The following MPO variants were observed in gnomAD, a reference collection of about 807,000 sequenced individuals.
MPO encodes the protein myeloperoxidase.
A neutral mutation model predicts 69.4 loss-of-function variants in MPO; 57 were observed. That is an observed-to-expected ratio of 0.82 (90% CI 0.66 to 1.02). The LOEUF is 1.02. Ranked by LOEUF, MPO falls within the 50% of genes least tolerant of loss-of-function variation. The probability of loss-of-function intolerance (pLI) is 0.00; values close to 1 mark genes in which losing one functional copy is unlikely to be tolerated. For synonymous variants in MPO, 426 were observed against 417.1 expected, an observed-to-expected ratio of 1.02 and a Z score of -0.26; for missense variants, 971 against 1,014.1, an observed-to-expected ratio of 0.96 and a Z score of 0.58.
chr17:58,279,224 A>T lies in MPO; in HGVS notation c.679-10T>A. 6.3e-7 allele frequency: 1 copy of T among 1,594,932 alleles called. No individual in the cohort carries two copies. Among genetic ancestry groups the T allele is most frequent in the Non-Finnish European group, 8.5e-7 (1 of 1,170,700 alleles). On this transcript the variant is annotated splice_polypyrimidine_tract_variant and intron_variant, in intron 5 of 11. Coordinates refer to ENST00000225275, the MANE Select transcript of MPO (RefSeq NM_000250.2). ...TGGAGACCGCGCGAGCCTGCGGGAC[A>T]CGGAGATCAGCTGGCGCCTGGGTCC...
chr17:58,272,735 T>C lies in MPO; in HGVS notation c.1792+13A>G. 1 of 1,612,486 alleles carries C rather than the reference T, an allele frequency of 6.2e-7. No homozygotes were observed. The highest frequency in any genetic ancestry group is 8.5e-7 in the Non-Finnish European group (1 of 1,179,422). On this transcript the variant is annotated intron_variant, in intron 10 of 11. Coordinates refer to ENST00000225275, the MANE Select transcript of MPO (RefSeq NM_000250.2). ...GGAGGTGAGCATCAGGGGAGACTCCTGCAGCCCCTCACCTGGGAGGCCGTG... is the reference window on the plus strand; with the variant it reads ...GGAGGTGAGCATCAGGGGAGACTCCCGCAGCCCCTCACCTGGGAGGCCGTG...
At chr17:58,276,270 A>G (rs982617681) in intron 7 of MPO, among the ~76,000 whole-genome samples, 5 of 152,242 alleles carry the variant, frequency 3.3e-5, no homozygotes, top group Non-Finnish European at 7.3e-5. Context: ...TTCTCAACAC[A>G]GGACTCCAGA....
At position 58,272,836 on chromosome 17, in the gene MPO, G is replaced by A; in HGVS notation, c.1704C>T (p.Ile568=). 6.2e-7 allele frequency: 1 copy of A among 1,614,200 alleles called. No homozygotes were observed. The highest frequency in any genetic ancestry group is 8.5e-7 in the Non-Finnish European group (1 of 1,180,036). ...NRQNQIAVDE[I]RERLFEQVMR... ...TGACCTGCTCAAACAATCGCTCCCG[G>A]ATCTCATCCACTGCAATTTGGTTCT... is the stretch of plus-strand genomic sequence containing the variant. The change falls in exon 10 of 12, where the codon ATC becomes ATT. Residue 568 remains isoleucine, a synonymous_variant. Coordinates refer to ENST00000225275, the MANE Select transcript of MPO (RefSeq NM_000250.2).
chr17:58,271,612 G>A (rs749856763), intron 11 of MPO, 43 bp downstream of exon 11: 2 of 1,592,166 alleles, frequency 1.3e-6, no homozygotes, highest in African/African-American at 1.3e-5. Context: ...TCAAGGATGG[G>A]CCCACAGCCA....
rs753714883 is a variant in MPO, at chr17:58,280,589, C to T, written c.154+16G>A. 6.8e-6 allele frequency: 11 copies of T among 1,614,198 alleles called. No homozygotes were observed. Among genetic ancestry groups the T allele is most frequent in the Non-Finnish European group, 8.5e-6 (10 of 1,180,034 alleles). The stretch of plus-strand genomic sequence containing the variant: ...CACCCCAACACACCATCTTCTCCCA[C>T]CTTGGGAACTGTTACCTGGAGCAGC... On this transcript the variant is annotated intron_variant, in intron 1 of 11. Transcript: ENST00000225275.
Position 58,275,738 on chromosome 17 carries a change from C to T in MPO, c.1205-36G>A. On this transcript the variant is annotated intron_variant, in intron 7 of 11. Transcript: ENST00000225275. This position sits in a 1 kb window ranked among gnomAD's most constrained non-coding sequence, Gnocchi z 4.1. ...CAAAAGCCACTGTCATTCTTAAGGCCTCCATCCCAGAAAAGATTTGCTCCA... is the reference window on the plus strand; with the variant it reads ...CAAAAGCCACTGTCATTCTTAAGGCTTCCATCCCAGAAAAGATTTGCTCCA... 1 of 1,613,160 alleles carries T rather than the reference C, an allele frequency of 6.2e-7. No individual in the cohort carries two copies. Among genetic ancestry groups the T allele is most frequent in the Non-Finnish European group, 8.5e-7 (1 of 1,179,558 alleles).
chr17:58,272,223 G>A (rs935402395), intron 10 of MPO, among the ~76,000 whole-genome samples: 28 of 152,204 alleles, frequency 1.8e-4, no homozygotes, highest in Non-Finnish European at 3.5e-4. Flanking sequence ...AGCCCGATGT[G>A]TCTGTCTCTG....
At chr17:58,276,531 T>G (rs2143975089) in intron 7 of MPO, among the ~76,000 whole-genome samples, 1 of 152,258 alleles carries the variant, frequency 6.6e-6, no homozygotes, top group Admixed American at 6.5e-5. Flanking sequence ...GAAAGGAAAT[T>G]CTCTGAGAGC....
chr17:58,271,521 A>G, intron 11 of MPO, 134 bp downstream of exon 11: 1 of 910,352 alleles, frequency 1.1e-6, no homozygotes, highest in Non-Finnish European at 1.7e-6. Flanking sequence ...GGGCATCTGG[A>G]GGATTCCTGG....
chr17:58,277,112 A>G (rs901265011), intron 7 of MPO, among the ~76,000 whole-genome samples: 1 of 152,024 alleles, frequency 6.6e-6, no homozygotes, highest in Non-Finnish European at 1.5e-5. Flanking sequence ...CGTCTTAGAA[A>G]AAAAAAAAAC....
rs779065242 is a variant in MPO at position 58,277,899 on chromosome 17, G to A, written c.1132C>T (p.Pro378Ser). 1 of 1,611,260 alleles carries A rather than the reference G, an allele frequency of 6.2e-7. No individual in the cohort carries two copies. The highest frequency in any genetic ancestry group is 8.5e-7 in the Non-Finnish European group (1 of 1,180,028). Reference protein sequence around the residue: ...RFQDNGRALLPFDNLHDDPCL... With the variant: ...RFQDNGRALLSFDNLHDDPCL... ...GGGTCATCGTGCAGGTTGTCAAAGG[G>A]CAGCAGGGCCCGGCCGTTGTCTTGG... The change falls in exon 7 of 12, where the codon CCC becomes TCC. Residue 378 changes from proline (P) to serine (S), a missense_variant. Physicochemically the swap from Pro to Ser is moderately conservative, Grantham distance 74. Transcript: ENST00000225275.
At chr17:58,272,143 GC>G (rs1171457286) in intron 10 of MPO, among the ~76,000 whole-genome samples, 1 of 152,168 alleles carries the variant, frequency 6.6e-6, no homozygotes, top group African/African-American at 2.4e-5. Flanking sequence ...CTACCATAAG[GC>G]AAACCCTAAA....
chr17:58,273,979 G>A (rs1970402460), intron 8 of MPO, among the ~76,000 whole-genome samples: 1 of 152,210 alleles, frequency 6.6e-6, no homozygotes, highest in Non-Finnish European at 1.5e-5. Context: ...GGACTAAATA[G>A]CAAATCACTT....
At position 58,280,644 on chromosome 17, in the gene MPO, T is replaced by A; in HGVS notation, c.115A>T (p.Ile39Phe). ...TCAGAGGGCTGGGGCGTGGCCAGAA[T>A]GGCCAGGAGCCCTGCTAGGGCCAGA... is the stretch of plus-strand genomic sequence containing the variant. ...LLLALAGLLA[I>F]LATPQPSEGA... The change falls in exon 1 of 12, where the codon ATT becomes TTT. Residue 39 changes from isoleucine (I) to phenylalanine (F), a missense_variant. Transcript: ENST00000225275. 1 of 1,614,164 alleles carries A rather than the reference T, an allele frequency of 6.2e-7. No individual in the cohort carries two copies. Among genetic ancestry groups the A allele is most frequent in the South Asian group, 1.1e-5 (1 of 91,084 alleles).
In MPO at chr17:58,277,471, G is replaced by T. The variant is rs537038158; in HGVS notation, c.1204+356C>A. ...GATAGTGTCGCTCTAGAGGGTGAGG[G>T]CACCACAGCGTTCTCTGTCCTTTAG... is the stretch of plus-strand genomic sequence containing the variant. On this transcript the variant is annotated intron_variant, in intron 7 of 11. Transcript: ENST00000225275. 2.6e-5 allele frequency among the ~76,000 whole-genome samples: 4 copies of T among 152,314 alleles called. No individual in the cohort carries two copies. The South Asian group carries it at 8.3e-4, about 32-fold the overall frequency.
chr17:58,271,541 G>GA, intron 11 of MPO, 114 bp downstream of exon 11: 1 of 1,078,012 alleles, frequency 9.3e-7, no homozygotes. Context: ...GAACACACTG[G>GA]AAAATTACTG....
Position 58,271,668 on chromosome 17 carries a change from G to A in MPO, c.2017C>T (p.Arg673Trp), listed in dbSNP as rs145497027. Residue 673 changes from arginine to tryptophan, a missense_variant, in exon 11 of 12, where the codon CGG becomes TGG. Arg to Trp is a moderately radical substitution (Grantham distance 101). Transcript: ENST00000225275. ...GCCCCTCCTCACCGATCACCATCCC[G>A]GAGCTTCCTGAACTGGGTACCGATG... ...CIIGTQFRKL[R>W]DGDRFWWENE... 175 of 1,613,824 alleles carry A rather than the reference G, an allele frequency of 1.1e-4. No individual in the cohort carries two copies. The African/African-American group carries it at 1.8e-3, about 17-fold the overall frequency.
In MPO at chr17:58,275,064, C is replaced by T. The variant is rs983597368; in HGVS notation, c.1365+478G>A. Among the ~76,000 whole-genome samples, 3 of 151,898 alleles carry T rather than the reference C, an allele frequency of 2.0e-5. No individual in the cohort carries two copies. The highest frequency in any genetic ancestry group is 4.4e-5 in the Non-Finnish European group (3 of 67,996). The stretch of plus-strand genomic sequence containing the variant: ...ATTTTTAGTAGAGATGGGGTTTCAC[C>T]GTGTTAGCCAGCATGGTCTTGATCT... On this transcript the variant is annotated intron_variant, in intron 8 of 11. Coordinates refer to ENST00000225275, the MANE Select transcript of MPO (RefSeq NM_000250.2). This position sits in a 1 kb window ranked among gnomAD's most constrained non-coding sequence, Gnocchi z 4.1.
intron 7 of MPO, among the ~76,000 whole-genome samples, chr17:58,276,670 A>G (rs1304115703): frequency 6.6e-6 from 1 of 152,170 alleles, no homozygotes; most frequent in African/African-American, 2.4e-5. Flanking sequence ...AGCCCAGAAG[A>G]GGTCGGGCAT....
Sources: allele counts gnomAD v4.1 joint callset (sites outside exome capture counted in the v4.1 genomes callset), GRCh38; gene constraint gnomAD v4.1.1; non-coding constraint Gnocchi (gnomAD v3.1); transcripts MANE v1.5; gene names NCBI Gene and HGNC (gene_info 2026-07-23, HGNC 2026-07-21).